Variants in SMARCC1 observed in about 807,000 individuals in gnomAD.
SMARCC1 encodes SWI/SNF related BAF chromatin remodeling complex subunit C1.
Under a neutral mutation model 147.4 loss-of-function variants are expected in SMARCC1, and 43 were observed. The observed-to-expected ratio is 0.29, with a 90% CI of 0.23 to 0.38. The LOEUF (loss-of-function observed/expected upper bound fraction) is 0.38. SMARCC1 is among the 10% of genes least tolerant of loss of function. SMARCC1 has a pLI of 1.00. For missense variants in SMARCC1, 1,119 were observed against 1,381.1 expected (o/e 0.81, Z 3.01); for synonymous variants, 495 against 484.4 (o/e 1.02, Z -0.29).
intron 18 of SMARCC1, among the ~76,000 whole-genome samples, 172 bp downstream of exon 18, chr3:47,675,303 T>C (rs1045866626): frequency 1.3e-5 from 2 of 152,214 alleles, no homozygotes; most frequent in African/African-American, 4.8e-5. Context: ...ATTTCTCTAA[T>C]AGTGTTATTT....
intron 3 of SMARCC1, among the ~76,000 whole-genome samples, chr3:47,743,909 C>G (rs2106838388): frequency 6.6e-6 from 1 of 152,032 alleles, no homozygotes; most frequent in Admixed American, 6.6e-5. Context: ...CTTTGGTATT[C>G]TATCCTCAAG....
chr3:47,749,263 C>T (rs1250177910), intron 2 of SMARCC1, among the ~76,000 whole-genome samples: 1 of 152,056 alleles, frequency 6.6e-6, no homozygotes, highest in African/African-American at 2.4e-5. Flanking sequence ...GATGTCATGC[C>T]ACTGTAACAG....
chr3:47,683,134 C>A (rs561140427), intron 14 of SMARCC1, among the ~76,000 whole-genome samples: 43 of 152,330 alleles, frequency 2.8e-4, no homozygotes, highest in Non-Finnish European at 5.3e-4. Flanking sequence ...GTTCCACCTC[C>A]CGGGTTCACG....
chr3:47,617,782 A>C, intron 25 of SMARCC1, among the ~76,000 whole-genome samples: 1 of 152,332 alleles, frequency 6.6e-6, no homozygotes, highest in Middle Eastern at 3.4e-3. Context: ...GCTGGTTGCC[A>C]ACGATCCTGC....
intron 24 of SMARCC1, among the ~76,000 whole-genome samples, chr3:47,626,380 A>C (rs1450903984): frequency 6.7e-6 from 1 of 150,276 alleles, no homozygotes; most frequent in Non-Finnish European, 1.5e-5. Context: ...TCCTGATCTC[A>C]TGTGATCTGT....
chr3:47,748,072 C>T (rs2106843721), intron 2 of SMARCC1, among the ~76,000 whole-genome samples: 1 of 152,096 alleles, frequency 6.6e-6, no homozygotes, highest in South Asian at 2.1e-4. Flanking sequence ...GCAGGAGAAT[C>T]GCTTGAACCC....
intron 26 of SMARCC1, 140 bp downstream of exon 26, chr3:47,609,926 A>G: frequency 2.3e-6 from 2 of 884,546 alleles, no homozygotes; most frequent in Non-Finnish European, 3.4e-6. Context: ...TAAATCTCAC[A>G]TGCCTACAAT....
At chr3:47,759,874 T>C (rs2034753809) in intron 2 of SMARCC1, among the ~76,000 whole-genome samples, 2 of 151,642 alleles carry the variant, frequency 1.3e-5, no homozygotes, top group African/African-American at 4.8e-5. Context: ...GAGGCTGAGG[T>C]TGCAGTGAGC....
intron 25 of SMARCC1, among the ~76,000 whole-genome samples, chr3:47,613,021 C>T (rs1330321288): frequency 6.6e-6 from 1 of 152,158 alleles, no homozygotes; most frequent in Non-Finnish European, 1.5e-5. Flanking sequence ...AGACTGCATT[C>T]ACTTTTGTGG....
In SMARCC1 at chr3:47,635,355, C is replaced by A; in HGVS notation, c.2492-11G>T. On this transcript the variant is annotated splice_polypyrimidine_tract_variant and intron_variant, in intron 23 of 27. Coordinates refer to ENST00000254480, the MANE Select transcript of SMARCC1 (RefSeq NM_003074.4). The stretch of plus-strand genomic sequence containing the variant: ...CAGTCTCCTTTTCTTCTGAAAATAT[C>A]AGAAAGCTTTGTTACTAGCGTGCCC... 1 of 1,609,430 alleles carries A rather than the reference C, an allele frequency of 6.2e-7. No individual in the cohort carries two copies. The highest frequency in any genetic ancestry group is 8.5e-7 in the Non-Finnish European group (1 of 1,179,724).
chr3:47,645,047 G>A (rs2033100006), intron 21 of SMARCC1, among the ~76,000 whole-genome samples: 1 of 152,016 alleles, frequency 6.6e-6, no homozygotes, highest in South Asian at 2.1e-4. Context: ...AAATATCTCA[G>A]GCTGGGTGTG....
chr3:47,611,197 T>A (rs577734080), intron 25 of SMARCC1, among the ~76,000 whole-genome samples: 1 of 152,312 alleles, frequency 6.6e-6, no homozygotes, highest in Admixed American at 6.5e-5. Context: ...ATAAAAATCA[T>A]AAGCATAAGG....
In SMARCC1 at chr3:47,635,307, A is replaced by T. The variant is rs986532102; in HGVS notation, c.2529T>A (p.Asp843Glu). The change falls in exon 24 of 28, where the codon GAT (aspartate) becomes GAA (glutamate). Residue 843 changes from aspartate (D) to glutamate (E), a missense_variant. Coordinates refer to ENST00000254480, the MANE Select transcript of SMARCC1 (RefSeq NM_003074.4). ...TATCACTTTCTCTTTCTTTACATGT[A>T]TCAGTGAGTTCTTTGTTCTCTTCAG... ...KETEENKELT[D>E]TCKERESDTG... 1 of 1,612,728 alleles carries T rather than the reference A, an allele frequency of 6.2e-7. No homozygotes were observed. The highest frequency in any genetic ancestry group is 2.2e-5 in the East Asian group (1 of 44,892).
At chr3:47,657,804 A>G (rs1198230486) in intron 21 of SMARCC1, among the ~76,000 whole-genome samples, 1 of 151,156 alleles carries the variant, frequency 6.6e-6, no homozygotes, top group Admixed American at 6.6e-5. Context: ...CAACAGAGAA[A>G]CTCTGTCTCA....
chr3:47,729,186 C>T (rs899277325), intron 5 of SMARCC1, 92 bp from the exon 6 acceptor site: 42 of 761,760 alleles, frequency 5.5e-5, no homozygotes, highest in Non-Finnish European at 8.5e-5. Flanking sequence ...ATTCTAAAAG[C>T]ATGGTTTTAC....
intron 9 of SMARCC1, among the ~76,000 whole-genome samples, chr3:47,707,915 T>C: frequency 6.6e-6 from 1 of 151,962 alleles, no homozygotes; most frequent in Non-Finnish European, 1.5e-5. Context: ...TAAACATTAA[T>C]TTTCTCTGTT....
intron 9 of SMARCC1, among the ~76,000 whole-genome samples, chr3:47,707,878 C>G (rs1414058885): frequency 6.6e-6 from 1 of 152,060 alleles, no homozygotes; most frequent in Non-Finnish European, 1.5e-5. Flanking sequence ...GATTCTGTCT[C>G]ATGCTAAAAT....
chr3:47,643,431 T>C (rs1186082418), intron 21 of SMARCC1, among the ~76,000 whole-genome samples: 1 of 151,584 alleles, frequency 6.6e-6, no homozygotes, highest in Non-Finnish European at 1.5e-5. Flanking sequence ...TGGATTAGAA[T>C]CACACAAGAG....
intron 26 of SMARCC1, among the ~76,000 whole-genome samples, chr3:47,607,853 G>C (rs1335579464): frequency 1.3e-5 from 2 of 151,934 alleles, no homozygotes; most frequent in African/African-American, 4.8e-5. Context: ...GTCCAGTCTG[G>C]GCAACTCAGT....
Sources: gnomAD v4.1 joint callset for allele counts (sites outside exome capture counted in the v4.1 genomes callset) on GRCh38, gnomAD v4.1.1 for gene constraint, MANE v1.5 for transcripts, NCBI Gene and HGNC (gene_info 2026-07-23, HGNC 2026-07-21) for gene names.